APLF: variants seen among roughly 807,000 people sequenced by gnomAD.
APLF encodes the protein aprataxin and PNK-like factor.
A neutral mutation model predicts 55.6 loss-of-function variants in APLF; 61 were observed. That is an observed-to-expected ratio of 1.10 (90% CI 0.89 to 1.36). The LOEUF is 1.36. APLF is among the 40% of genes most tolerant of loss of function. The pLI is 0.00. For synonymous variants in APLF, 207 were observed against 214.8 expected (o/e 0.96, Z 0.32); for missense variants, 611 against 602.5 (o/e 1.01, Z -0.15).
At chr2:68,546,643 A>G (rs954200151) in intron 8 of APLF, among the ~76,000 whole-genome samples, 5 of 151,886 alleles carry the variant, frequency 3.3e-5, no homozygotes, top group African/African-American at 9.7e-5. Context: ...TCATCAGAAT[A>G]AGTAGAAAAG....
At chr2:68,513,025 C>A in intron 3 of APLF, 55 bp from the exon 4 acceptor site, 1 of 1,497,808 alleles carries the variant, frequency 6.7e-7, no homozygotes, top group Admixed American at 1.9e-5. Flanking sequence ...AGTTCTAAGG[C>A]AGCAGAAGTG....
At chr2:68,545,050 G>A (rs563577744) in intron 7 of APLF, 137 bp from the exon 8 acceptor site, 70 of 986,496 alleles carry the variant, frequency 7.1e-5, no homozygotes, top group African/African-American at 5.4e-4. Flanking sequence ...TGTAATCTGC[G>A]CTTATGTCAT....
intron 3 of APLF, among the ~76,000 whole-genome samples, chr2:68,509,133 G>C (rs1676964572): frequency 6.6e-6 from 1 of 152,060 alleles, no homozygotes; most frequent in African/African-American, 2.4e-5. Flanking sequence ...AGAAAACCTA[G>C]GCAATACCAT....
intron 8 of APLF, among the ~76,000 whole-genome samples, chr2:68,558,353 T>C (rs1671070999): frequency 6.6e-6 from 1 of 152,194 alleles, no homozygotes; most frequent in Non-Finnish European, 1.5e-5. Flanking sequence ...CTTTTTACTA[T>C]TTTATGCTGG....
chr2:68,544,195 T>C (rs1670635318), intron 7 of APLF, among the ~76,000 whole-genome samples: 1 of 152,102 alleles, frequency 6.6e-6, no homozygotes, highest in Admixed American at 6.6e-5. Context: ...GCCAGGCTGG[T>C]CCTGAACTCC....
rs188043852 is a variant in APLF at position 68,576,814 on chromosome 2, A to G, written c.1334-1006A>G. Among the ~76,000 whole-genome samples, 77 of 152,304 alleles carry G rather than the reference A, an allele frequency of 5.1e-4. 1 individual carries two copies. The highest frequency in any genetic ancestry group is 5.0e-3 in the Admixed American group (77 of 15,278). On this transcript the variant is annotated intron_variant, in intron 9 of 9. Transcript: ENST00000303795. Reference sequence around the variant, plus strand: ...AAAGATGTTAACCAAAGTGTATACTAAAGTACAGACATTAATGTTTTTAAC... The same window carrying G: ...AAAGATGTTAACCAAAGTGTATACTGAAGTACAGACATTAATGTTTTTAAC...
intron 8 of APLF, among the ~76,000 whole-genome samples, chr2:68,548,873 C>T (rs1032649360): frequency 6.6e-6 from 1 of 151,786 alleles, no homozygotes; most frequent in African/African-American, 2.4e-5. Context: ...ATTGTTTCAT[C>T]AATCCCCAAA....
At chr2:68,527,342 G>A (rs1450310347) in intron 6 of APLF, among the ~76,000 whole-genome samples, 1 of 140,340 alleles carries the variant, frequency 7.1e-6, no homozygotes, top group Admixed American at 7.1e-5. Context: ...GTGAGGAGGC[G>A]GGGCAGAGGC....
At chr2:68,540,237 A>T (rs932617756) in intron 7 of APLF, among the ~76,000 whole-genome samples, 2 of 151,026 alleles carry the variant, frequency 1.3e-5, no homozygotes, top group African/African-American at 2.4e-5. Flanking sequence ...TTCAACTCCC[A>T]CTTATGAGTG....
At chr2:68,478,282 A>G (rs1404169951) in intron 1 of APLF, among the ~76,000 whole-genome samples, 2 of 152,214 alleles carry the variant, frequency 1.3e-5, no homozygotes, top group African/African-American at 4.8e-5. Flanking sequence ...CAGCATATGG[A>G]CGATTGTAAA....
Position 68,529,486 on chromosome 2 carries a change from C to T in APLF, c.804+3244C>T, listed in dbSNP as rs1022413757. 76 of 1,067,460 alleles carry T rather than the reference C, an allele frequency of 7.1e-5. No individual in the cohort carries two copies. The highest frequency in any genetic ancestry group is 3.6e-4 in the South Asian group (10 of 27,982). 66.1% of individuals were successfully genotyped at this position (1,067,460 alleles called of 1,614,324 possible). A position where few individuals can be genotyped will look rare whatever the true frequency, so the allele number is the denominator to read the frequency against. ...CCATTTTGAGCGAGTTGTGCACAGA[C>T]GAAACTAAGGGTCAGAAGCGGAGAG... is the stretch of plus-strand genomic sequence containing the variant. On this transcript the variant is annotated intron_variant, in intron 6 of 9. Transcript: ENST00000303795. The surrounding 1 kb of genome is among the most constrained non-coding windows in gnomAD (Gnocchi z 4.4).
intron 8 of APLF, among the ~76,000 whole-genome samples, chr2:68,547,416 GC>G (rs1670737945): frequency 6.6e-6 from 1 of 151,646 alleles, no homozygotes; most frequent in South Asian, 2.1e-4. Flanking sequence ...GATAAAAATA[GC>G]CATGACAATC....
At chr2:68,518,928 A>G (rs1669783709) in intron 5 of APLF, among the ~76,000 whole-genome samples, 4 of 124,850 alleles carry the variant, frequency 3.2e-5, no homozygotes, top group African/African-American at 1.3e-4. Context: ...ATATATCATT[A>G]ATATTAATAT....
intron 9 of APLF, among the ~76,000 whole-genome samples, chr2:68,575,250 G>A (rs1483329417): frequency 6.6e-6 from 1 of 152,168 alleles, no homozygotes; most frequent in East Asian, 1.9e-4. Flanking sequence ...GAATATGCCA[G>A]GCGTTGGGAA....
intron 8 of APLF, among the ~76,000 whole-genome samples, chr2:68,549,452 C>G (rs1393763221): frequency 6.6e-6 from 1 of 151,976 alleles, no homozygotes; most frequent in Non-Finnish European, 1.5e-5. Flanking sequence ...GAGAATTGCT[C>G]TAATATCTAT....
chr2:68,535,679 AG>A (rs1339679885), intron 6 of APLF, among the ~76,000 whole-genome samples: 1 of 151,644 alleles, frequency 6.6e-6, no homozygotes, highest in African/African-American at 2.4e-5. Context: ...TAAGGCTCAA[AG>A]CTGGGAATAG....
chr2:68,501,277 C>CT (rs1676712676), intron 2 of APLF, among the ~76,000 whole-genome samples: 1 of 152,164 alleles, frequency 6.6e-6, no homozygotes, highest in South Asian at 2.1e-4. Flanking sequence ...AAAGATGTGT[C>CT]TTTTTTGTGG....
chr2:68,560,052 TCTTC>T (rs1671127425), intron 8 of APLF, among the ~76,000 whole-genome samples: 2 of 152,294 alleles, frequency 1.3e-5, no homozygotes, highest in South Asian at 2.1e-4. Flanking sequence ...TGCTATTTCC[TCTTC>T]CTTAAGTGTT....
chr2:68,507,282 C>A (rs188281275), intron 3 of APLF, among the ~76,000 whole-genome samples: 165 of 152,018 alleles, frequency 1.1e-3, no homozygotes, highest in Middle Eastern at 3.4e-3. Context: ...TGCCATAATT[C>A]TTTTCTTCCA....
Sources: gnomAD v4.1 joint callset for allele counts (sites outside exome capture counted in the v4.1 genomes callset) on GRCh38, gnomAD v4.1.1 for gene constraint, Gnocchi (gnomAD v3.1) non-coding constraint, MANE v1.5 for transcripts, NCBI Gene and HGNC (gene_info 2026-07-23, HGNC 2026-07-21) for gene names.